MYO1E: variants seen among roughly 807,000 people sequenced by gnomAD.
The protein encoded by MYO1E is unconventional myosin-Ie.
In MYO1E, 68 loss-of-function variants were observed where a neutral mutation model predicts 151.1. That is an observed-to-expected ratio of 0.45 (90% CI 0.37 to 0.55). MYO1E has a LOEUF of 0.55. MYO1E is among the 20% of genes least tolerant of loss of function. MYO1E has a pLI of 0.00. For missense variants in MYO1E, 1,363 were observed against 1,389.3 expected (o/e 0.98, Z 0.30); for synonymous variants, 601 against 501.7 (o/e 1.20, Z -2.64).
intron 22 of MYO1E, among the ~76,000 whole-genome samples, chr15:59,165,877 C>T (rs1351946753): frequency 6.6e-6 from 1 of 152,202 alleles, no homozygotes; most frequent in African/African-American, 2.4e-5. Context: ...GAAACGCCTT[C>T]CTGTTTTGGT....
chr15:59,154,299 G>A (rs1159741855), intron 25 of MYO1E, among the ~76,000 whole-genome samples: 1 of 152,134 alleles, frequency 6.6e-6, no homozygotes, highest in African/African-American at 2.4e-5. Context: ...GCAGGAGCCT[G>A]CTGTGTGAGG....
At chr15:59,254,815 C>T (rs2080184849) in intron 4 of MYO1E, among the ~76,000 whole-genome samples, 2 of 151,800 alleles carry the variant, frequency 1.3e-5, no homozygotes, top group Non-Finnish European at 2.9e-5. Flanking sequence ...AAAATATTCA[C>T]AATAGTAAGC....
At chr15:59,250,625 C>A (rs553241219) in intron 4 of MYO1E, among the ~76,000 whole-genome samples, 1 of 151,164 alleles carries the variant, frequency 6.6e-6, no homozygotes, top group Non-Finnish European at 1.5e-5. Context: ...CTGAACCTGG[C>A]GGGGGCGGGG....
intron 1 of MYO1E, among the ~76,000 whole-genome samples, chr15:59,283,162 T>C (rs2080367700): frequency 6.6e-6 from 1 of 151,348 alleles, no homozygotes; most frequent in Non-Finnish European, 1.5e-5. Context: ...TGCGCATGCA[T>C]TTGAAGTGCA....
intron 1 of MYO1E, among the ~76,000 whole-genome samples, chr15:59,349,232 T>C (rs781219396): frequency 3.9e-5 from 6 of 152,252 alleles, no homozygotes; most frequent in Non-Finnish European, 7.3e-5. Flanking sequence ...TAACTTCCCA[T>C]ATAAACATCT....
In MYO1E at chr15:59,142,496, A is replaced by G. The variant is rs140744424; in HGVS notation, c.3081-4129T>C. ...CCCCACCTGCCTCCAGCTTTGACTA[A>G]GACCTGTTTCTGTCCTTCGTGTCTT... On this transcript the variant is annotated intron_variant, in intron 26 of 27. Transcript: ENST00000288235. Among the ~76,000 whole-genome samples the G allele has an allele frequency of 9.7e-4, 148 of 152,326 alleles. No homozygotes were observed. In the East Asian group the frequency reaches 0.026, roughly 27 times the overall value.
rs2140449158 is a variant in MYO1E at position 59,372,589 on chromosome 15, T to G, written c.-89A>C. Reference sequence around the variant, plus strand: ...CAGTCTTCTGGGCGAACTTCAAAAGTTGGTTCCCCTCGCCAAAAACAGGCT... The same window carrying G: ...CAGTCTTCTGGGCGAACTTCAAAAGGTGGTTCCCCTCGCCAAAAACAGGCT... On this transcript the variant is annotated 5_prime_UTR_variant, in exon 1 of 28. Coordinates refer to ENST00000288235, the MANE Select transcript of MYO1E (RefSeq NM_004998.4). 1 of 1,491,860 alleles carries G rather than the reference T, an allele frequency of 6.7e-7. No homozygotes were observed. 92.4% of individuals were successfully genotyped at this position (1,491,860 alleles called of 1,614,324 possible).
intron 21 of MYO1E, 24 bp from the exon 22 acceptor site, chr15:59,172,066 A>C (rs1442951297): frequency 6.2e-7 from 1 of 1,612,430 alleles, no homozygotes; most frequent in South Asian, 1.1e-5. Context: ...AGCTTTAAGA[A>C]GCTGGACAGG....
At chr15:59,150,400 T>A (rs2079468690) in intron 26 of MYO1E, among the ~76,000 whole-genome samples, 1 of 152,218 alleles carries the variant, frequency 6.6e-6, no homozygotes, top group African/African-American at 2.4e-5. Flanking sequence ...GTTCCTAAAT[T>A]GCCTACTTTT....
At chr15:59,359,213 A>G (rs553950420) in intron 1 of MYO1E, among the ~76,000 whole-genome samples, 70 of 151,572 alleles carry the variant, frequency 4.6e-4, no homozygotes, top group African/African-American at 1.7e-3. Context: ...ATCGCTGGAG[A>G]CCAGGAGTTC....
At chr15:59,237,841 AAAAG>A (rs1419557993) in intron 4 of MYO1E, among the ~76,000 whole-genome samples, 1 of 152,232 alleles carries the variant, frequency 6.6e-6, no homozygotes, top group Non-Finnish European at 1.5e-5. Context: ...AAAACAAAAC[AAAAG>A]AAACAAATGA....
At chr15:59,269,982 A>G (rs1395636518) in intron 2 of MYO1E, among the ~76,000 whole-genome samples, 3 of 152,202 alleles carry the variant, frequency 2.0e-5, no homozygotes, top group Non-Finnish European at 2.9e-5. Flanking sequence ...CTCTGCCACC[A>G]TAGTGTGAAA....
In MYO1E at chr15:59,174,349, G is replaced by A. The variant is rs2079612395; in HGVS notation, c.2050-109C>T. The A allele has an allele frequency of 3.8e-6, 3 of 788,670 alleles. No individual in the cohort carries two copies. The South Asian group carries it at 4.2e-5, about 11-fold the overall frequency. The allele number at this position is 788,670 out of a possible 1,614,324, so 48.9% of individuals were successfully genotyped here. A position where few individuals can be genotyped will look rare whatever the true frequency, so the allele number is the denominator to read the frequency against. ...TCAGTTTAGACAATGACACACACGGGAAGCAGCTTCTCTGATTCATGAACG... is the reference window on the plus strand; with the variant it reads ...TCAGTTTAGACAATGACACACACGGAAAGCAGCTTCTCTGATTCATGAACG... On this transcript the variant is annotated intron_variant, in intron 19 of 27. Transcript: ENST00000288235.
chr15:59,248,066 T>C (rs2080140633), intron 4 of MYO1E, among the ~76,000 whole-genome samples: 1 of 134,032 alleles, frequency 7.5e-6, no homozygotes, highest in African/African-American at 3.0e-5. Flanking sequence ...AAGCACAGGT[T>C]GTGGTGAGCC....
At chr15:59,226,445 T>C (rs1336333153) in intron 7 of MYO1E, among the ~76,000 whole-genome samples, 2 of 152,184 alleles carry the variant, frequency 1.3e-5, no homozygotes, top group South Asian at 2.1e-4. Flanking sequence ...AATAAGTAAA[T>C]AGAACATAAA....
chr15:59,289,933 T>C (rs1464481583), intron 1 of MYO1E, among the ~76,000 whole-genome samples: 1 of 152,236 alleles, frequency 6.6e-6, no homozygotes, highest in Non-Finnish European at 1.5e-5. Context: ...AAATATAATA[T>C]GGCATCAAAA....
intron 1 of MYO1E, among the ~76,000 whole-genome samples, chr15:59,365,657 C>G (rs2080908812): frequency 1.3e-5 from 2 of 152,146 alleles, no homozygotes; most frequent in Admixed American, 6.5e-5. Context: ...TACAATGTAG[C>G]CTATGTTTTA....
intron 17 of MYO1E, among the ~76,000 whole-genome samples, chr15:59,192,215 C>T (rs1566974912): frequency 6.6e-6 from 1 of 151,612 alleles, no homozygotes; most frequent in Non-Finnish European, 1.5e-5. Context: ...AACGCTCGAC[C>T]AACTAATACC....
intron 22 of MYO1E, among the ~76,000 whole-genome samples, chr15:59,169,765 A>C (rs1031058213): frequency 6.6e-6 from 1 of 152,176 alleles, no homozygotes; most frequent in African/African-American, 2.4e-5. Flanking sequence ...AAAAAACAAT[A>C]AAAGGAAGAA....
Sources: gnomAD v4.1 joint callset for allele counts (sites outside exome capture counted in the v4.1 genomes callset) on GRCh38, gnomAD v4.1.1 for gene constraint, MANE v1.5 for transcripts, NCBI Gene and HGNC (gene_info 2026-07-23, HGNC 2026-07-21) for gene names.